ERBB2: variants seen among roughly 807,000 people sequenced by gnomAD.
The protein encoded by ERBB2 is receptor tyrosine-protein kinase erbB-2.
In ERBB2, 61 loss-of-function variants were observed where a neutral mutation model predicts 149.0. The ratio of observed to expected loss-of-function variants is 0.41; its 90% confidence interval spans 0.33 to 0.51. The LOEUF (loss-of-function observed/expected upper bound fraction) is 0.51, where lower values mean the gene tolerates loss of function less well. ERBB2 is among the 20% of genes least tolerant of loss of function. The pLI is 0.25. For synonymous variants in ERBB2, 633 were observed against 678.8 expected (o/e 0.93, Z 1.05); for missense variants, 1,205 against 1,655.1 (o/e 0.73, Z 4.72).
chr17:39,724,946 G>A (rs765723299), intron 20 of ERBB2, 35 bp downstream of exon 20: 4 of 1,609,610 alleles, frequency 2.5e-6, no homozygotes, highest in Non-Finnish European at 2.5e-6. Context: ...TCTCTCCGGA[G>A]CAAACCCCTA....
upstream of ERBB2, among the ~76,000 whole-genome samples, chr17:39,691,556 A>AAAAAAAAAATATATATATATATATAT (rs573116217): frequency 2.4e-5 from 2 of 84,202 alleles, no homozygotes; most frequent in African/African-American, 1.0e-4. Flanking sequence ...TAAAAAAAAA[A>AAAAAAAAAATATATATATATATATAT]ATATATATAT....
In ERBB2 at chr17:39,711,944, G is replaced by A. The variant is rs1481084656; in HGVS notation, c.918G>A (p.Thr306=). 3 of 1,613,948 alleles carry A rather than the reference G, an allele frequency of 1.9e-6. No individual in the cohort carries two copies. Among genetic ancestry groups the A allele is most frequent in the Non-Finnish European group, 2.5e-6 (3 of 1,179,990 alleles). ...TCTCCTTAGACAACTACCTTTCTAC[G>A]GACGTGGGATCCTGCACCCTCGTCT... The part of the protein sequence containing the change: ...VTACPYNYLS[T]DVGSCTLVCP... The change falls in exon 8 of 27, where the codon ACG becomes ACA. Residue 306 remains threonine, a synonymous_variant. Coordinates refer to ENST00000269571, the MANE Select transcript of ERBB2 (RefSeq NM_004448.4).
upstream of ERBB2, among the ~76,000 whole-genome samples, chr17:39,695,483 C>G (rs1307859800): frequency 6.6e-6 from 1 of 152,108 alleles, no homozygotes; most frequent in Non-Finnish European, 1.5e-5. Flanking sequence ...AGGGACACCT[C>G]AAGCCTACTC....
intron 3 of ERBB2, among the ~76,000 whole-genome samples, 193 bp downstream of exon 3, chr17:39,708,727 G>A (rs918432417): frequency 6.6e-6 from 1 of 152,228 alleles, no homozygotes; most frequent in African/African-American, 2.4e-5. Context: ...GCTTGCGTCA[G>A]CACATATAAT....
At chr17:39,719,205 G>A (rs2059317083) in intron 15 of ERBB2, among the ~76,000 whole-genome samples, 1 of 151,846 alleles carries the variant, frequency 6.6e-6, no homozygotes, top group South Asian at 2.1e-4. Flanking sequence ...AGGTTGCAGT[G>A]AGACGAGATT....
In ERBB2 at chr17:39,709,333, G is replaced by C. The variant is rs151122410; in HGVS notation, c.455G>C (p.Gly152Ala). ...LRSLTEILKG[G>A]VLIQRNPQLC... is the part of the protein sequence containing the mutation. ...CACCCCACAGAGATCTTGAAAGGAGGGGTCTTGATCCAGCGGAACCCCCAG... is the reference window on the plus strand; with the variant it reads ...CACCCCACAGAGATCTTGAAAGGAGCGGTCTTGATCCAGCGGAACCCCCAG... The change falls in exon 4 of 27, where the codon GGG becomes GCG. Residue 152 changes from glycine (G) to alanine (A), a missense_variant. Gly to Ala is a moderately conservative substitution (Grantham distance 60, BLOSUM62 0). Around this residue, in one of 6 missense-constraint regions of ERBB2, gnomAD observed 569 missense variants for 803.5 expected, o/e 0.71. Transcript: ENST00000269571. 5.4e-5 allele frequency: 87 copies of C among 1,613,950 alleles called. No individual in the cohort carries two copies. The African/African-American group carries it at 1.0e-3, about 19-fold the overall frequency.
At chr17:39,695,427 C>A (rs1340032682), upstream of ERBB2, among the ~76,000 whole-genome samples, 1 of 152,044 alleles carries the variant, frequency 6.6e-6, no homozygotes, top group Non-Finnish European at 1.5e-5. Flanking sequence ...CTAGGAAGGA[C>A]CAATTTTCCT....
chr17:39,727,763 G>A lies in ERBB2; in HGVS notation c.3487G>A (p.Ala1163Thr), dbSNP rs959969530. 18 of 1,606,112 alleles carry A rather than the reference G, an allele frequency of 1.1e-5. No individual in the cohort carries two copies. Among genetic ancestry groups the A allele is most frequent in the Non-Finnish European group, 1.5e-5 (18 of 1,174,446 alleles). Residue 1163 changes from alanine to threonine, a missense_variant, in exon 27 of 27, where the codon GCT (alanine) becomes ACT (threonine). Ala to Thr is a moderately conservative substitution (Grantham distance 58). Coordinates refer to ENST00000269571, the MANE Select transcript of ERBB2 (RefSeq NM_004448.4). This position sits in a 1 kb window ranked among gnomAD's most constrained non-coding sequence, Gnocchi z 4.3. The part of the protein sequence containing the change: ...REGPLPAARP[A>T]GATLERPKTL... Reference sequence around the variant, plus strand: ...GGGCCCTCTGCCTGCTGCCCGACCTGCTGGTGCCACTCTGGAAAGGCCCAA... The same window carrying A: ...GGGCCCTCTGCCTGCTGCCCGACCTACTGGTGCCACTCTGGAAAGGCCCAA...
At chr17:39,719,240 A>G (rs2059318794) in intron 15 of ERBB2, among the ~76,000 whole-genome samples, 1 of 152,052 alleles carries the variant, frequency 6.6e-6, no homozygotes. Context: ...CAACCTGGGC[A>G]ACACAGTGCA....
In ERBB2 at chr17:39,728,143, C is replaced by G; in HGVS notation, c.*99C>G. On this transcript the variant is annotated 3_prime_UTR_variant, in exon 27 of 27. Transcript: ENST00000269571. The stretch of plus-strand genomic sequence containing the variant: ...AAGAGGTGGGAGGGCCCTCCGACCA[C>G]TTCCAGGGGAACCTGCCATGCCAGG... The G allele has an allele frequency of 1.2e-6, 1 of 804,768 alleles. No homozygotes were observed. Among genetic ancestry groups the G allele is most frequent in the Non-Finnish European group, 1.9e-6 (1 of 521,952 alleles). 49.9% of individuals were successfully genotyped at this position (804,768 alleles called of 1,614,324 possible).
chr17:39,719,747 G>A, intron 15 of ERBB2, 40 bp from the exon 16 acceptor site: 1 of 1,607,600 alleles, frequency 6.2e-7, no homozygotes, highest in Non-Finnish European at 8.5e-7. Flanking sequence ...TCCCAAGAGG[G>A]TGGTTCCCAG....
intron 19 of ERBB2, 131 bp from the exon 20 acceptor site, chr17:39,724,595 T>G (rs2145840375): frequency 1.3e-6 from 1 of 763,426 alleles, no homozygotes; most frequent in Non-Finnish European, 2.2e-6. Context: ...GGTTTCACCA[T>G]GTTGTCCAGG....
chr17:39,699,476 T>G, upstream of ERBB2: 2 of 1,372,100 alleles, frequency 1.5e-6, no homozygotes, highest in South Asian at 1.4e-5. Flanking sequence ...AAAAAAAAAG[T>G]CCTTTCGATG....
intron 1 of ERBB2, among the ~76,000 whole-genome samples, chr17:39,702,760 A>C (rs2058188425): frequency 1.3e-5 from 2 of 152,214 alleles, no homozygotes; most frequent in Admixed American, 1.3e-4. Flanking sequence ...CTAGGTTTTT[A>C]TCCATGCTTT....
At position 39,723,960 on chromosome 17, in the gene ERBB2, A is replaced by C; in HGVS notation, c.2257A>C (p.Lys753Gln). 1 of 1,614,120 alleles carries C rather than the reference A, an allele frequency of 6.2e-7. No individual in the cohort carries two copies. The highest frequency in any genetic ancestry group is 8.5e-7 in the Non-Finnish European group (1 of 1,180,016). The change falls in exon 19 of 27, where the codon AAA (lysine) becomes CAA (glutamine). Residue 753 changes from lysine to glutamine, a missense_variant. This residue lies in a region of ERBB2 where 152 missense variants were observed against 318.1 expected (regional missense o/e 0.48). Coordinates refer to ENST00000269571, the MANE Select transcript of ERBB2 (RefSeq NM_004448.4). This position sits in a 1 kb window ranked among gnomAD's most constrained non-coding sequence, Gnocchi z 6.2. ...GENVKIPVAI[K>Q]VLRENTSPKA... ...GAATGTGAAAATTCCAGTGGCCATC[A>C]AAGTGTTGAGGGAAAACACATCCCC... is the stretch of plus-strand genomic sequence containing the variant.
At position 39,718,975 on chromosome 17, in the gene ERBB2, T is replaced by G. The variant is rs145209431; in HGVS notation, c.1899-812T>G. 9.8e-4 allele frequency among the ~76,000 whole-genome samples: 148 copies of G among 151,672 alleles called. No homozygotes were observed. The East Asian group carries it at 0.021, about 22-fold the overall frequency. ...ATGAGAAAAATTAAAAGAATATGGA[T>G]CCAGGCTGGGCATGGTGGCTCACGC... On this transcript the variant is annotated intron_variant, in intron 15 of 26. Coordinates refer to ENST00000269571, the MANE Select transcript of ERBB2 (RefSeq NM_004448.4).
chr17:39,723,672 G>A lies in ERBB2; in HGVS notation c.2208+12G>A, dbSNP rs2145817504. The A allele has an allele frequency of 6.3e-7, 1 of 1,597,588 alleles. No individual in the cohort carries two copies. The highest frequency in any genetic ancestry group is 8.5e-7 in the Non-Finnish European group (1 of 1,172,180). On this transcript the variant is annotated intron_variant, in intron 18 of 26. Coordinates refer to ENST00000269571, the MANE Select transcript of ERBB2 (RefSeq NM_004448.4). This position sits in a 1 kb window ranked among gnomAD's most constrained non-coding sequence, Gnocchi z 6.2. ...GCACAGTCTACAAGGTCAGGGCCAGGTCCTGGGGTGGGCGGCCCCAGAGGA... is the reference window on the plus strand; with the variant it reads ...GCACAGTCTACAAGGTCAGGGCCAGATCCTGGGGTGGGCGGCCCCAGAGGA...
At chr17:39,720,185 G>A (rs997772587) in intron 16 of ERBB2, 1 of 248,958 alleles carries the variant, frequency 4.0e-6, no homozygotes, top group Admixed American at 5.1e-5. Flanking sequence ...AACTGGGGAT[G>A]GTGGGAGGCT....
At chr17:39,694,303 G>GTGTATA (rs1555612057), upstream of ERBB2, among the ~76,000 whole-genome samples, 89 of 75,766 alleles carry the variant, frequency 1.2e-3, 6 homozygotes, top group African/African-American at 2.6e-3. Context: ...ATATATATGT[G>GTGTATA]TATATATATA....
Sources: allele counts gnomAD v4.1 joint callset (sites outside exome capture counted in the v4.1 genomes callset), GRCh38; gene constraint gnomAD v4.1.1; regional missense constraint gnomAD v4.1.1; non-coding constraint Gnocchi (gnomAD v3.1); transcripts MANE v1.5; gene names NCBI Gene and HGNC (gene_info 2026-07-23, HGNC 2026-07-21).